Variants in ZNF516 observed in about 807,000 individuals in gnomAD.
ZNF516 encodes zinc finger protein 516.
In ZNF516, 19 loss-of-function variants were observed where a neutral mutation model predicts 79.7. That is an observed-to-expected ratio of 0.24 (90% CI 0.17 to 0.35). The LOEUF (loss-of-function observed/expected upper bound fraction) is 0.35, where lower values mean the gene tolerates loss of function less well. Ranked by LOEUF, ZNF516 falls within the 10% of genes least tolerant of loss-of-function variation. The probability of loss-of-function intolerance (pLI) is 1.00; values close to 1 mark genes in which losing one functional copy is unlikely to be tolerated. For synonymous variants in ZNF516, 877 were observed against 739.5 expected, an observed-to-expected ratio of 1.19 and a Z score of -3.02; for missense variants, 1,678 against 1,679.5, an observed-to-expected ratio of 1.00 and a Z score of 0.02.
At chr18:76,470,369 C>T (rs1913754489) in intron 1 of ZNF516, among the ~76,000 whole-genome samples, 1 of 152,134 alleles carries the variant, frequency 6.6e-6, no homozygotes, top group African/African-American at 2.4e-5. Flanking sequence ...CTACCCAACA[C>T]AAGTATGCTT....
chr18:76,438,933 C>CT (rs2075779482), intron 3 of ZNF516, among the ~76,000 whole-genome samples: 1 of 152,236 alleles, frequency 6.6e-6, no homozygotes, highest in South Asian at 2.1e-4. Context: ...CACAGACACT[C>CT]TAACAGTGTT....
At position 76,441,534 on chromosome 18, in the gene ZNF516, G is replaced by A. The variant is rs1047844602; in HGVS notation, c.1521C>T (p.Ala507=). ...CGGAGGACTTGCCCTGGCCGGTGGTGGCTGCGGCCCTGCGGTTGGGGCGCG... is the reference window on the plus strand; with the variant it reads ...CGGAGGACTTGCCCTGGCCGGTGGTAGCTGCGGCCCTGCGGTTGGGGCGCG... ...SAARPNRRAA[A]TTGQGKSSEC... The change falls in exon 3 of 7, where the codon GCC becomes GCT. Residue 507 remains alanine, a synonymous_variant. Coordinates refer to ENST00000443185, the MANE Select transcript of ZNF516 (RefSeq NM_014643.4). 1.3e-6 allele frequency: 2 copies of A among 1,572,200 alleles called. No homozygotes were observed. Among genetic ancestry groups the A allele is most frequent in the Admixed American group, 1.8e-5 (1 of 55,062 alleles).
rs530943393 is a variant in ZNF516, at chr18:76,451,379, C to T, written c.-157-8168G>A. The stretch of plus-strand genomic sequence containing the variant: ...GCAGGGGGGTGACAGCCCGGTCCTG[C>T]GCACATCTCCGCTGACAGGGCATTC... On this transcript the variant is annotated intron_variant, in intron 2 of 6. Transcript: ENST00000443185. This position sits in a 1 kb window ranked among gnomAD's most constrained non-coding sequence, Gnocchi z 6.0. 2.0e-5 allele frequency among the ~76,000 whole-genome samples: 3 copies of T among 152,248 alleles called. No individual in the cohort carries two copies. The highest frequency in any genetic ancestry group is 7.2e-5 in the African/African-American group (3 of 41,518).
In ZNF516 at chr18:76,360,712, G is replaced by T. The variant is rs1278236618; in HGVS notation, c.*1786C>A. The T allele has an allele frequency of 3.0e-5, 4 of 133,642 alleles. No homozygotes were observed. The highest frequency in any genetic ancestry group is 5.5e-5 in the African/African-American group (2 of 36,230). The allele number at this position is 133,642 out of a possible 1,614,324, so 8.3% of individuals were successfully genotyped here. A position where few individuals can be genotyped will look rare whatever the true frequency, so the allele number is the denominator to read the frequency against. On this transcript the variant is annotated 3_prime_UTR_variant, in exon 7 of 7. Transcript: ENST00000443185. ...CAGTTACATTGCATCGTTTGAAAGTGTTGCAAAGTAACCTGAACCGTCAAG... is the reference window on the plus strand; with the variant it reads ...CAGTTACATTGCATCGTTTGAAAGTTTTGCAAAGTAACCTGAACCGTCAAG...
intron 4 of ZNF516, among the ~76,000 whole-genome samples, chr18:76,377,306 C>T (rs892899852): frequency 3.9e-5 from 6 of 152,264 alleles, no homozygotes; most frequent in East Asian, 1.9e-4. Context: ...TCCGGGCCTA[C>T]GGCCTCATCC....
At chr18:76,441,171 T>C in intron 3 of ZNF516, 74 bp downstream of exon 3, 1 of 1,517,732 alleles carries the variant, frequency 6.6e-7, no homozygotes. Context: ...TACTTGAGTA[T>C]ACGTTTACCT....
At chr18:76,402,916 T>C (rs1032651775) in intron 3 of ZNF516, among the ~76,000 whole-genome samples, 3 of 152,284 alleles carry the variant, frequency 2.0e-5, no homozygotes, top group South Asian at 2.1e-4. Context: ...CAACAAGTGA[T>C]CCACTGGTTG....
At chr18:76,426,657 A>G (rs1401050654) in intron 3 of ZNF516, among the ~76,000 whole-genome samples, 1 of 152,228 alleles carries the variant, frequency 6.6e-6, no homozygotes, top group Non-Finnish European at 1.5e-5. Context: ...AATTAAAGAA[A>G]GCCGCAAGAG....
chr18:76,437,434 C>T (rs910416011), intron 3 of ZNF516, among the ~76,000 whole-genome samples: 7 of 123,372 alleles, frequency 5.7e-5, no homozygotes, highest in Non-Finnish European at 1.0e-4. Flanking sequence ...CTTTCCTTCC[C>T]TTGACCATAT....
intron 2 of ZNF516, among the ~76,000 whole-genome samples, chr18:76,445,417 T>C (rs751842014): frequency 2.6e-5 from 4 of 152,208 alleles, no homozygotes; most frequent in Non-Finnish European, 5.9e-5. Flanking sequence ...TTTATGATGA[T>C]TTTACAAGGC....
chr18:76,492,065 C>T, intron 1 of ZNF516: 3 of 738,502 alleles, frequency 4.1e-6, no homozygotes, highest in African/African-American at 1.9e-5. Context: ...GGCACACCCG[C>T]GCATGGACGA....
At chr18:76,478,806 G>A (rs1204404136) in intron 1 of ZNF516, among the ~76,000 whole-genome samples, 8 of 152,040 alleles carry the variant, frequency 5.3e-5, no homozygotes, top group Admixed American at 2.6e-4. Context: ...CTGTAATCCC[G>A]GCACTGTAAG....
Position 76,379,018 on chromosome 18 carries a change from C to A in ZNF516, c.3096G>T (p.Val1032=). 6.2e-7 allele frequency: 1 copy of A among 1,607,170 alleles called. No individual in the cohort carries two copies. Among genetic ancestry groups the A allele is most frequent in the South Asian group, 1.1e-5 (1 of 90,458 alleles). Residue 1032 remains valine, a synonymous_variant, in exon 4 of 7, where the codon GTG becomes GTT. Coordinates refer to ENST00000443185, the MANE Select transcript of ZNF516 (RefSeq NM_014643.4). ...AGTGTAGGACGGGGGGCGCCCCAGC[C>A]ACGCCGGGCTGGGCCTGCAAGGCCG... The part of the protein sequence containing the change: ...GDAALQAQPG[V]AGAPPVLHSI...
intron 1 of ZNF516, among the ~76,000 whole-genome samples, chr18:76,474,324 T>TTAG (rs1403755885): frequency 6.6e-6 from 1 of 152,214 alleles, no homozygotes; most frequent in East Asian, 1.9e-4. Context: ...GCCTCCATAT[T>TTAG]AACCACAAGG....
At chr18:76,376,973 C>A (rs1787447) in intron 4 of ZNF516, among the ~76,000 whole-genome samples, 125,662 of 152,072 alleles carry the variant, frequency 0.83, 53,113 homozygotes, top group Middle Eastern at 0.93. Flanking sequence ...TTCCAAGAAA[C>A]CCCACATCTC....
intron 3 of ZNF516, among the ~76,000 whole-genome samples, chr18:76,421,481 C>T (rs1417715545): frequency 2.0e-5 from 3 of 152,300 alleles, no homozygotes; most frequent in African/African-American, 4.8e-5. Context: ...GAAAGCAGAG[C>T]CCGGGCTGAG....
In ZNF516 at chr18:76,380,072, T is replaced by A. The variant is rs2074864945; in HGVS notation, c.2042A>T (p.Lys681Met). The A allele has an allele frequency of 3.1e-6, 5 of 1,613,946 alleles. No homozygotes were observed. The East Asian group carries it at 1.1e-4, about 36-fold the overall frequency. Residue 681 changes from lysine to methionine, a missense_variant, in exon 4 of 7, where the codon AAG (lysine) becomes ATG (methionine). Around this residue, in one of 5 missense-constraint regions of ZNF516, gnomAD observed 1,294 missense variants for 1,248.3 expected, o/e 1.04. Transcript: ENST00000443185. ...MDLKMPAFHPKQEVPVPGDGV... is the reference protein window; with the variant it reads ...MDLKMPAFHPMQEVPVPGDGV... The stretch of plus-strand genomic sequence containing the variant: ...ATCACCAGGGACGGGCACCTCCTGC[T>A]TGGGGTGAAATGCTGGCATCTTTAA...
chr18:76,385,574 T>C (rs2074974794), intron 3 of ZNF516: 1 of 152,210 alleles, frequency 6.6e-6, no homozygotes, highest in East Asian at 1.9e-4. Context: ...ATTCGTCATG[T>C]TTTCGGTTTT....
At chr18:76,441,166 G>A (rs2075812566) in intron 3 of ZNF516, 79 bp downstream of exon 3, 6 of 1,505,394 alleles carry the variant, frequency 4.0e-6, no homozygotes, top group Admixed American at 4.4e-5. Context: ...GAGCCTACTT[G>A]AGTATACGTT....
Sources: allele counts gnomAD v4.1 joint callset (sites outside exome capture counted in the v4.1 genomes callset), GRCh38; gene constraint gnomAD v4.1.1; regional missense constraint gnomAD v4.1.1; non-coding constraint Gnocchi (gnomAD v3.1); transcripts MANE v1.5; gene names NCBI Gene and HGNC (gene_info 2026-07-23, HGNC 2026-07-21).